Variants in ZBTB38 observed in about 807,000 individuals in gnomAD.
ZBTB38 encodes the protein zinc finger and BTB domain containing 38, also known as zinc finger and BTB domain-containing protein 38.
A neutral mutation model predicts 76.8 loss-of-function variants in ZBTB38; 20 were observed. That is an observed-to-expected ratio of 0.26 (90% CI 0.18 to 0.38). The LOEUF is 0.38. ZBTB38 is among the 10% of genes least tolerant of loss of function. The pLI, the probability that ZBTB38 is intolerant of heterozygous loss-of-function variation, is 1.00. For missense variants in ZBTB38, 1,082 were observed against 1,482.3 expected, an observed-to-expected ratio of 0.73 and a Z score of 4.43; for synonymous variants, 504 against 544.2, an observed-to-expected ratio of 0.93 and a Z score of 1.03.
Position 141,444,960 on chromosome 3 carries a change from T to A in ZBTB38, c.2572T>A (p.Leu858Met). The A allele has an allele frequency of 6.2e-7, 1 of 1,614,098 alleles. No homozygotes were observed. The change falls in exon 6 of 6, where the codon TTG becomes ATG. Residue 858 changes from leucine (L) to methionine (M), a missense_variant. By Grantham distance (15) the Leu-to-Met change is conservative. Coordinates refer to ENST00000321464, the MANE Select transcript of ZBTB38 (RefSeq NM_001376113.1). This position sits in a 1 kb window ranked among gnomAD's most constrained non-coding sequence, Gnocchi z 5.1. ...GAAAAGGCACATTCTAGGATCTAAA[T>A]TGTTTTATAAAAGAGGGAGAAGACC... is the stretch of plus-strand genomic sequence containing the variant. ...IVKRHILGSK[L>M]FYKRGRRPKY... is the part of the protein sequence containing the mutation.
intron 1 of ZBTB38, among the ~76,000 whole-genome samples, chr3:141,354,676 C>A (rs1943612861): frequency 6.6e-6 from 1 of 152,136 alleles, no homozygotes; most frequent in Non-Finnish European, 1.5e-5. Flanking sequence ...GCAGTACCTT[C>A]CTCCTGGAAG....
chr3:141,437,478 G>T (rs2079069326), intron 5 of ZBTB38, among the ~76,000 whole-genome samples: 1 of 152,146 alleles, frequency 6.6e-6, no homozygotes, highest in East Asian at 1.9e-4. Context: ...ACCTTTGAGT[G>T]TAGAATTTTT....
intron 4 of ZBTB38, chr3:141,394,183 G>A (rs1949755576): frequency 6.6e-6 from 1 of 151,832 alleles, no homozygotes; most frequent in African/African-American, 2.4e-5. Context: ...TCTAATTTTT[G>A]TATTTATTTT....
At position 141,395,834 on chromosome 3, in the gene ZBTB38, T is replaced by C. The variant is rs559255914; in HGVS notation, c.-105-8093T>C. On this transcript the variant is annotated intron_variant, in intron 4 of 5. Coordinates refer to ENST00000321464, the MANE Select transcript of ZBTB38 (RefSeq NM_001376113.1). ...AAACTTTTTAGTTTCCCGGTGCATA[T>C]AAAAGTTGTGTTTGCATTATACTGT... is the stretch of plus-strand genomic sequence containing the variant. Among the ~76,000 whole-genome samples, 28 of 152,340 alleles carry C rather than the reference T, an allele frequency of 1.8e-4. No individual in the cohort carries two copies. The South Asian group carries it at 5.8e-3, about 32-fold the overall frequency.
At chr3:141,410,227 T>C (rs1956193297) in intron 5 of ZBTB38, among the ~76,000 whole-genome samples, 1 of 152,120 alleles carries the variant, frequency 6.6e-6, no homozygotes. Flanking sequence ...AGACTTTGGG[T>C]TCTGCCTTTA....
chr3:141,335,006 C>A (rs1942975790), intron 1 of ZBTB38, among the ~76,000 whole-genome samples: 1 of 152,012 alleles, frequency 6.6e-6, no homozygotes, highest in Non-Finnish European at 1.5e-5. Flanking sequence ...AGCTCTGGGG[C>A]AGGTCAAGAA....
In ZBTB38 at chr3:141,442,677, G is replaced by A. The variant is rs371570814; in HGVS notation, c.289G>A (p.Val97Ile). The stretch of plus-strand genomic sequence containing the variant: ...TAATTATATCTACAGTTCCACAGTC[G>A]TTGTCAAGAGACAGGAAACAGTCAC... ...ILNYIYSSTV[V>I]VKRQETVTDL... The change falls in exon 6 of 6, where the codon GTT becomes ATT. Residue 97 changes from valine to isoleucine, a missense_variant. Physicochemically the swap from Val to Ile is conservative, Grantham distance 29. This residue lies in a region of ZBTB38 where 68 missense variants were observed against 153.0 expected (regional missense o/e 0.44). Coordinates refer to ENST00000321464, the MANE Select transcript of ZBTB38 (RefSeq NM_001376113.1). This position sits in a 1 kb window ranked among gnomAD's most constrained non-coding sequence, Gnocchi z 6.4. 69 of 1,614,162 alleles carry A rather than the reference G, an allele frequency of 4.3e-5. No individual in the cohort carries two copies. The highest frequency in any genetic ancestry group is 1.1e-4 in the African/African-American group (8 of 75,024).
intron 5 of ZBTB38, among the ~76,000 whole-genome samples, chr3:141,424,721 A>T (rs747947734): frequency 6.6e-6 from 1 of 152,060 alleles, no homozygotes; most frequent in African/African-American, 2.4e-5. Flanking sequence ...TAATTAGTTA[A>T]TGAGCCCCTA....
chr3:141,444,027 A>G lies in ZBTB38; in HGVS notation c.1639A>G (p.Ile547Val), dbSNP rs1258745054. 1.9e-6 allele frequency: 3 copies of G among 1,614,216 alleles called. No homozygotes were observed. Among genetic ancestry groups the G allele is most frequent in the East Asian group, 2.2e-5 (1 of 44,888 alleles). The change falls in exon 6 of 6, where the codon ATC (isoleucine) becomes GTC (valine). Residue 547 changes from isoleucine to valine, a missense_variant. By Grantham distance (29) the Ile-to-Val change is conservative. Coordinates refer to ENST00000321464, the MANE Select transcript of ZBTB38 (RefSeq NM_001376113.1). The surrounding 1 kb of genome is among the most constrained non-coding windows in gnomAD (Gnocchi z 5.1). ...CCATGCCATCGATCATAGACTTTCC[A>G]TCAGTAAAAAAACAGCAAATGGAGG... is the stretch of plus-strand genomic sequence containing the variant. ...SFHAIDHRLS[I>V]SKKTANGGLK...
intron 1 of ZBTB38, among the ~76,000 whole-genome samples, chr3:141,350,233 G>A (rs1943479964): frequency 6.6e-6 from 1 of 152,194 alleles, no homozygotes; most frequent in Non-Finnish European, 1.5e-5. Context: ...TCTGTGTTGT[G>A]ACTAAAATGA....
intron 5 of ZBTB38, among the ~76,000 whole-genome samples, chr3:141,426,416 C>T (rs762245684): frequency 2.0e-5 from 3 of 152,192 alleles, no homozygotes; most frequent in Non-Finnish European, 4.4e-5. Flanking sequence ...CTATTCATTG[C>T]CTGATGGGGG....
chr3:141,360,737 C>T (rs1017453562), intron 1 of ZBTB38, among the ~76,000 whole-genome samples: 6 of 152,022 alleles, frequency 3.9e-5, no homozygotes, highest in Non-Finnish European at 8.8e-5. Flanking sequence ...GTGTTGGGGT[C>T]GGGGGGCTGT....
In ZBTB38 at chr3:141,446,199, A is replaced by G. The variant is rs2081081381; in HGVS notation, c.*223A>G. ...AAAAACAAAATAGCTGACTCCTCCA[A>G]TATCCCAAGTTTCTTGTGAAAGTTA... On this transcript the variant is annotated 3_prime_UTR_variant, in exon 6 of 6. Coordinates refer to ENST00000321464, the MANE Select transcript of ZBTB38 (RefSeq NM_001376113.1). The G allele has an allele frequency of 1.9e-5, 7 of 364,960 alleles. No individual in the cohort carries two copies. The highest frequency in any genetic ancestry group is 2.9e-5 in the Non-Finnish European group (6 of 205,794). The allele number at this position is 364,960 out of a possible 1,614,324, so 22.6% of individuals were successfully genotyped here. A position where few individuals can be genotyped will look rare whatever the true frequency, so the allele number is the denominator to read the frequency against.
intron 1 of ZBTB38, among the ~76,000 whole-genome samples, chr3:141,336,275 C>T (rs1209327653): frequency 6.6e-6 from 1 of 152,150 alleles, no homozygotes; most frequent in African/African-American, 2.4e-5. Context: ...TTCACATACT[C>T]TAAATGGGAG....
chr3:141,409,933 G>A (rs1956075533), intron 5 of ZBTB38, among the ~76,000 whole-genome samples: 1 of 152,210 alleles, frequency 6.6e-6, no homozygotes, highest in Non-Finnish European at 1.5e-5. Flanking sequence ...CCCCTGCAGG[G>A]CTGGGTTGGG....
At chr3:141,344,956 T>G (rs1943303798) in intron 1 of ZBTB38, among the ~76,000 whole-genome samples, 1 of 152,220 alleles carries the variant, frequency 6.6e-6, no homozygotes, top group Non-Finnish European at 1.5e-5. Flanking sequence ...CAGCTGCTAT[T>G]GCAAGAAGTC....
chr3:141,385,522 C>G (rs1188308600), intron 3 of ZBTB38, among the ~76,000 whole-genome samples: 1 of 151,972 alleles, frequency 6.6e-6, no homozygotes, highest in African/African-American at 2.4e-5. Context: ...CTTTGGGGAC[C>G]TGGTGACACT....
intron 3 of ZBTB38, chr3:141,385,851 G>T (rs902960681): frequency 1.5e-4 from 23 of 152,114 alleles, no homozygotes; most frequent in Non-Finnish European, 3.1e-4. Flanking sequence ...TGGGGGTAGG[G>T]AGGTGGTTTT....
At chr3:141,329,010 C>T (rs999376013) in intron 1 of ZBTB38, among the ~76,000 whole-genome samples, 4 of 152,188 alleles carry the variant, frequency 2.6e-5, no homozygotes, top group Non-Finnish European at 5.9e-5. Flanking sequence ...GTCCCCCAGT[C>T]GTGCATAGCT....
Sources: gnomAD v4.1 joint callset for allele counts (sites outside exome capture counted in the v4.1 genomes callset) on GRCh38, gnomAD v4.1.1 for gene constraint, gnomAD v4.1.1 regional missense constraint, Gnocchi (gnomAD v3.1) non-coding constraint, MANE v1.5 for transcripts, NCBI Gene and HGNC (gene_info 2026-07-23, HGNC 2026-07-21) for gene names.